RABL3: variants seen among roughly 807,000 people sequenced by gnomAD.
The protein encoded by RABL3 is RAB, member of RAS oncogene family like 3.
Under a neutral mutation model 31.8 loss-of-function variants are expected in RABL3, and 31 were observed. The ratio of observed to expected loss-of-function variants is 0.97; its 90% confidence interval spans 0.73 to 1.31. The LOEUF is 1.31. RABL3 is among the 40% of genes most tolerant of loss of function. The probability of loss-of-function intolerance (pLI) is 0.00; values close to 1 mark genes in which losing one functional copy is unlikely to be tolerated. For missense variants in RABL3, 263 were observed against 279.6 expected (o/e 0.94, Z 0.42); for synonymous variants, 97 against 99.9 (o/e 0.97, Z 0.18).
intron 2 of RABL3, among the ~76,000 whole-genome samples, chr3:120,713,090 C>T (rs1039879705): frequency 2.6e-5 from 4 of 152,012 alleles, no homozygotes; most frequent in African/African-American, 9.7e-5. Context: ...AGGACTATAA[C>T]TCCTCTGAGA....
chr3:120,733,926 C>CAGT (rs1708920807), intron 1 of RABL3, among the ~76,000 whole-genome samples: 2 of 152,078 alleles, frequency 1.3e-5, no homozygotes, highest in Admixed American at 6.5e-5. Flanking sequence ...GTTTTGGTAC[C>CAGT]AGTACCATGC....
At chr3:120,714,887 T>C (rs1222329618) in intron 2 of RABL3, among the ~76,000 whole-genome samples, 7 of 152,222 alleles carry the variant, frequency 4.6e-5, no homozygotes, top group African/African-American at 1.4e-4. Context: ...CCCCAACCTT[T>C]TTCTAAATTT....
chr3:120,704,432 A>T (rs1474497316), intron 4 of RABL3, among the ~76,000 whole-genome samples: 1 of 152,192 alleles, frequency 6.6e-6, no homozygotes, highest in Non-Finnish European at 1.5e-5. Flanking sequence ...CAACCTGATA[A>T]ATGATGTCAA....
chr3:120,692,133 G>A (rs966661625), intron 6 of RABL3, among the ~76,000 whole-genome samples: 2 of 152,150 alleles, frequency 1.3e-5, no homozygotes, highest in Non-Finnish European at 2.9e-5. Flanking sequence ...ATTCTGGAGC[G>A]TGAGGAATTA....
chr3:120,694,318 T>C, intron 5 of RABL3, 94 bp from the exon 6 acceptor site: 3 of 749,684 alleles, frequency 4.0e-6, no homozygotes, highest in Non-Finnish European at 7.1e-6. Context: ...TCTGTAGGCA[T>C]AATACTATTA....
At chr3:120,738,944 A>G (rs1395090326) in intron 1 of RABL3, among the ~76,000 whole-genome samples, 1 of 152,218 alleles carries the variant, frequency 6.6e-6, no homozygotes, top group Non-Finnish European at 1.5e-5. Flanking sequence ...GGAAACATTT[A>G]AAGTTCTTGA....
At chr3:120,693,945 C>T (rs757765056) in intron 6 of RABL3, among the ~76,000 whole-genome samples, 2 of 151,964 alleles carry the variant, frequency 1.3e-5, no homozygotes, top group Non-Finnish European at 2.9e-5. Context: ...GTAGCTTTTG[C>T]CCTTTACTTA....
chr3:120,691,590 G>GT (rs1220182391), intron 6 of RABL3, among the ~76,000 whole-genome samples: 2 of 152,214 alleles, frequency 1.3e-5, no homozygotes, highest in Non-Finnish European at 1.5e-5. Flanking sequence ...GCGATGCTTG[G>GT]TAAGTTGGGT....
chr3:120,730,041 C>T (rs1214316373), intron 2 of RABL3, among the ~76,000 whole-genome samples: 3 of 151,970 alleles, frequency 2.0e-5, no homozygotes, highest in Non-Finnish European at 2.9e-5. Flanking sequence ...ATTAGTCTTA[C>T]GGAAGATTTC....
rs144478835 is a variant in RABL3 at position 120,706,064 on chromosome 3, G to C, written c.319C>G (p.Arg107Gly). Residue 107 changes from arginine (R) to glycine (G), a missense_variant, in exon 4 of 8, where the codon CGT becomes GGT. By Grantham distance (125) the Arg-to-Gly change is moderately radical. Coordinates refer to ENST00000273375, the MANE Select transcript of RABL3 (RefSeq NM_173825.5). ...TTGAGAGCTTCCAATGACCAACGAC[G>C]CAAGTTTTGGGAGGACTTCTTATTT... Reference protein sequence around the residue: ...LTNKKSSQNLRRWSLEALNRD... With the variant: ...LTNKKSSQNLGRWSLEALNRD... 6.2e-7 allele frequency: 1 copy of C among 1,613,800 alleles called. No individual in the cohort carries two copies. Among genetic ancestry groups the C allele is most frequent in the East Asian group, 2.2e-5 (1 of 44,864 alleles).
chr3:120,713,633 A>C (rs1708635591), intron 2 of RABL3, among the ~76,000 whole-genome samples: 1 of 152,182 alleles, frequency 6.6e-6, no homozygotes, highest in Admixed American at 6.5e-5. Context: ...TCTTAACAAT[A>C]AAGGAAGCAA....
At chr3:120,718,201 T>C (rs1708692846) in intron 2 of RABL3, among the ~76,000 whole-genome samples, 1 of 152,208 alleles carries the variant, frequency 6.6e-6, no homozygotes, top group South Asian at 2.1e-4. Flanking sequence ...AATCTCCGCC[T>C]CTACCTTGAA....
intron 2 of RABL3, among the ~76,000 whole-genome samples, chr3:120,717,405 G>C (rs1324486675): frequency 6.6e-6 from 1 of 152,022 alleles, no homozygotes; most frequent in Non-Finnish European, 1.5e-5. Flanking sequence ...GTCTTTAAAG[G>C]AATCAATTAG....
intron 4 of RABL3, among the ~76,000 whole-genome samples, chr3:120,699,532 A>G (rs1447714282): frequency 6.6e-6 from 1 of 152,220 alleles, no homozygotes; most frequent in African/African-American, 2.4e-5. Context: ...AACTTACAAC[A>G]GTCAGCAAAA....
rs1708332097 is a variant in RABL3, at chr3:120,687,983, G to C, written c.*1840C>G. ...GGCTAATTTTTGTATTTTTAGTAGA[G>C]ACAGGGTTTCCCTATGTTGGCCAGG... is the stretch of plus-strand genomic sequence containing the variant. On this transcript the variant is annotated 3_prime_UTR_variant, in exon 8 of 8. Transcript: ENST00000273375. 1.3e-5 allele frequency: 2 copies of C among 152,010 alleles called. No individual in the cohort carries two copies. The highest frequency in any genetic ancestry group is 6.6e-5 in the Admixed American group (1 of 15,248). The allele number at this position is 152,010 out of a possible 1,614,324, so 9.4% of individuals were successfully genotyped here.
At chr3:120,731,161 C>T (rs1425064443) in intron 1 of RABL3, among the ~76,000 whole-genome samples, 1 of 152,178 alleles carries the variant, frequency 6.6e-6, no homozygotes, top group Admixed American at 6.5e-5. Flanking sequence ...GAATCCCTTT[C>T]CTTTTGAATG....
intron 2 of RABL3, among the ~76,000 whole-genome samples, chr3:120,722,983 T>A (rs867954036): frequency 1.3e-5 from 2 of 151,980 alleles, no homozygotes; most frequent in Non-Finnish European, 2.9e-5. Flanking sequence ...TACAAAAAAC[T>A]CTTCAAAAAA....
intron 2 of RABL3, among the ~76,000 whole-genome samples, chr3:120,718,536 T>C (rs1708697313): frequency 6.6e-6 from 1 of 152,242 alleles, no homozygotes; most frequent in African/African-American, 2.4e-5. Context: ...CCTTACCCAG[T>C]ATTTCTCAAG....
At chr3:120,724,248 T>C (rs956916461) in intron 2 of RABL3, among the ~76,000 whole-genome samples, 7 of 152,168 alleles carry the variant, frequency 4.6e-5, no homozygotes, top group African/African-American at 1.7e-4. Context: ...ACAAGGGATG[T>C]GAAGGACCTC....
Sources: allele counts gnomAD v4.1 joint callset (sites outside exome capture counted in the v4.1 genomes callset), GRCh38; gene constraint gnomAD v4.1.1; transcripts MANE v1.5; gene names NCBI Gene and HGNC (gene_info 2026-07-23, HGNC 2026-07-21).